TBC1D5: variants seen among roughly 807,000 people sequenced by gnomAD.
The protein encoded by TBC1D5 is TBC1 domain family, member 5.
Under a neutral mutation model 100.3 loss-of-function variants are expected in TBC1D5, and 75 were observed. The observed-to-expected ratio is 0.75, with a 90% CI of 0.62 to 0.91. The LOEUF (loss-of-function observed/expected upper bound fraction) is 0.91. Ranked by LOEUF, TBC1D5 falls within the 40% of genes least tolerant of loss-of-function variation. The probability of loss-of-function intolerance (pLI) is 0.00; values close to 1 mark genes in which losing one functional copy is unlikely to be tolerated. For missense variants in TBC1D5, 910 were observed against 942.4 expected (o/e 0.97, Z 0.45); for synonymous variants, 323 against 325.6 (o/e 0.99, Z 0.09).
chr3:17,652,607 TAG>T (rs1325446304), intron 1 of TBC1D5, among the ~76,000 whole-genome samples: 1 of 152,128 alleles, frequency 6.6e-6, no homozygotes, highest in Non-Finnish European at 1.5e-5. Flanking sequence ...GAAAAATAGG[TAG>T]AGTCTGTCAA....
chr3:17,193,701 T>C (rs1035059423), intron 18 of TBC1D5, among the ~76,000 whole-genome samples: 5 of 152,218 alleles, frequency 3.3e-5, no homozygotes, highest in Admixed American at 1.3e-4. Flanking sequence ...ACTAATAACT[T>C]CTTTTGTAGA....
In TBC1D5 at chr3:17,509,832, C is replaced by A. The variant is rs553399814; in HGVS notation, c.-35-1227G>T. On this transcript the variant is annotated intron_variant, in intron 2 of 21. Transcript: ENST00000253692. ...ACTTACAAGTTTTTATAAATAACTACCTACATTTCCTTTGGTCGTTTTGAA... is the reference window on the plus strand; with the variant it reads ...ACTTACAAGTTTTTATAAATAACTAACTACATTTCCTTTGGTCGTTTTGAA... Among the ~76,000 whole-genome samples the A allele has an allele frequency of 3.9e-5, 6 of 152,052 alleles. No homozygotes were observed. In the South Asian group the frequency reaches 1.2e-3, roughly 32 times the overall value.
At chr3:17,326,987 T>C (rs2086234096) in intron 13 of TBC1D5, among the ~76,000 whole-genome samples, 1 of 152,194 alleles carries the variant, frequency 6.6e-6, no homozygotes, top group Non-Finnish European at 1.5e-5. Context: ...ACATTCAGAA[T>C]CTAACCACCT....
chr3:17,429,821 GAT>G (rs1478618760), intron 3 of TBC1D5, among the ~76,000 whole-genome samples: 1 of 151,788 alleles, frequency 6.6e-6, no homozygotes, highest in Admixed American at 6.6e-5. Context: ...AATTTGGTGA[GAT>G]ATGTGCAGCT....
At chr3:17,406,243 G>A (rs924204132) in intron 5 of TBC1D5, among the ~76,000 whole-genome samples, 175 bp downstream of exon 5, 1 of 152,006 alleles carries the variant, frequency 6.6e-6, no homozygotes, top group African/African-American at 2.4e-5. Flanking sequence ...CAGGACTAAG[G>A]TAGTTCAACC....
chr3:17,533,531 A>C (rs1410278408), intron 2 of TBC1D5, among the ~76,000 whole-genome samples: 1 of 152,152 alleles, frequency 6.6e-6, no homozygotes, highest in Non-Finnish European at 1.5e-5. Context: ...GACAAAGCAA[A>C]CTCTAAGTCT....
intron 1 of TBC1D5, among the ~76,000 whole-genome samples, chr3:17,730,182 T>C (rs1390718186): frequency 6.6e-6 from 1 of 152,218 alleles, no homozygotes; most frequent in Non-Finnish European, 1.5e-5. Context: ...CAGGAATTAA[T>C]TCATTCCACA....
At chr3:17,382,501 T>G (rs1322870985) in intron 9 of TBC1D5, among the ~76,000 whole-genome samples, 1 of 152,084 alleles carries the variant, frequency 6.6e-6, no homozygotes, top group Non-Finnish European at 1.5e-5. Flanking sequence ...ACTTAAAGTC[T>G]TCTCATCCAA....
At chr3:17,251,437 C>A (rs1295758625) in intron 16 of TBC1D5, among the ~76,000 whole-genome samples, 2 of 119,396 alleles carry the variant, frequency 1.7e-5, no homozygotes, top group African/African-American at 6.2e-5. Context: ...CCCCCCCCCC[C>A]CAGTAGAAGC....
chr3:17,736,581 A>G (rs1301144529), intron 1 of TBC1D5, among the ~76,000 whole-genome samples: 3 of 152,168 alleles, frequency 2.0e-5, no homozygotes, highest in African/African-American at 7.2e-5. Context: ...CTTGTTCCCC[A>G]AAGCTCCACC....
chr3:17,596,315 C>CTTT (rs397874911), intron 2 of TBC1D5, among the ~76,000 whole-genome samples: 3 of 126,008 alleles, frequency 2.4e-5, no homozygotes, highest in Non-Finnish European at 3.4e-5. Flanking sequence ...TCCAGCTTTC[C>CTTT]TTTTTTTTTT....
At chr3:17,338,903 A>T (rs192101811) in intron 13 of TBC1D5, among the ~76,000 whole-genome samples, 109 of 152,358 alleles carry the variant, frequency 7.2e-4, no homozygotes, top group African/African-American at 2.4e-3. Flanking sequence ...ATAAGATCCA[A>T]GATGGGCAGA....
At chr3:17,284,345 T>A (rs1466313472) in intron 15 of TBC1D5, among the ~76,000 whole-genome samples, 4 of 152,158 alleles carry the variant, frequency 2.6e-5, no homozygotes, top group African/African-American at 7.2e-5. Context: ...CTCGAACTCC[T>A]GACTTCGAGT....
At chr3:17,673,533 C>G (rs2068235452) in intron 1 of TBC1D5, among the ~76,000 whole-genome samples, 2 of 151,312 alleles carry the variant, frequency 1.3e-5, no homozygotes, top group African/African-American at 4.9e-5. Flanking sequence ...CCAGCCTGGT[C>G]TCGATCGCAT....
intron 18 of TBC1D5, among the ~76,000 whole-genome samples, chr3:17,194,998 G>A (rs1225332397): frequency 1.3e-5 from 2 of 152,350 alleles, no homozygotes; most frequent in East Asian, 3.9e-4. Context: ...TCACATAGGT[G>A]TAACCAGAGG....
At chr3:17,188,009 A>G (rs2069360217) in intron 18 of TBC1D5, among the ~76,000 whole-genome samples, 1 of 152,184 alleles carries the variant, frequency 6.6e-6, no homozygotes, top group Admixed American at 6.5e-5. Context: ...TTGCAAAGGA[A>G]CTCAAACTGG....
chr3:17,196,144 T>G (rs1023649919), intron 18 of TBC1D5, among the ~76,000 whole-genome samples: 1 of 152,222 alleles, frequency 6.6e-6, no homozygotes, highest in African/African-American at 2.4e-5. Flanking sequence ...GCCTTATAAG[T>G]AAACACAAGT....
intron 1 of TBC1D5, among the ~76,000 whole-genome samples, chr3:17,667,888 G>T (rs1017073306): frequency 3.3e-5 from 5 of 151,598 alleles, no homozygotes; most frequent in Non-Finnish European, 7.4e-5. Flanking sequence ...AAACACTTAT[G>T]AAATGATACA....
Position 17,455,328 on chromosome 3 carries a change from ATATATG to A in TBC1D5, c.98-26815_98-26810del, listed in dbSNP as rs571434588. On this transcript the variant is annotated intron_variant, in intron 3 of 21. Transcript: ENST00000253692. ...TATATGTAAATATGTGTATATGTGT[ATATATG>A]TATATGTATATATGTATATGTATAT... 1.3e-3 allele frequency among the ~76,000 whole-genome samples: 185 copies of A among 144,570 alleles called. 1 individual carries two copies. The highest frequency in any genetic ancestry group is 2.1e-3 in the South Asian group (10 of 4,710). The allele number at this position is 144,570 out of a possible 152,430, so 94.8% of individuals were successfully genotyped here. A position where few individuals can be genotyped will look rare whatever the true frequency, so the allele number is the denominator to read the frequency against.
Sources: gnomAD v4.1 joint callset for allele counts (sites outside exome capture counted in the v4.1 genomes callset) on GRCh38, gnomAD v4.1.1 for gene constraint, MANE v1.5 for transcripts, NCBI Gene and HGNC (gene_info 2026-07-23, HGNC 2026-07-21) for gene names.